Variants in MSH4 observed in about 807,000 individuals in gnomAD.
MSH4 encodes the protein mutS protein homolog 4.
In MSH4, 106 loss-of-function variants were observed where a neutral mutation model predicts 113.7. The observed-to-expected ratio is 0.93, with a 90% CI of 0.80 to 1.10. The LOEUF (loss-of-function observed/expected upper bound fraction) is 1.10. Among genes scored for constraint, MSH4 ranks in the 50% least tolerant of loss-of-function variants. The probability of loss-of-function intolerance (pLI) is 0.00; values close to 1 mark genes in which losing one functional copy is unlikely to be tolerated. For missense variants in MSH4, 1,061 were observed against 1,093.7 expected (o/e 0.97, Z 0.42); for synonymous variants, 368 against 380.2 (o/e 0.97, Z 0.37).
intron 13 of MSH4, 22 bp from the exon 14 acceptor site, chr1:75,881,224 G>A (rs201492365): frequency 4.9e-6 from 7 of 1,431,084 alleles, no homozygotes; most frequent in African/African-American, 2.2e-5. Flanking sequence ...ATTATTACAT[G>A]TCTTACCAAA....
intron 3 of MSH4, among the ~76,000 whole-genome samples, chr1:75,808,866 T>C (rs1650123770): frequency 6.6e-6 from 1 of 152,208 alleles, no homozygotes; most frequent in African/African-American, 2.4e-5. Flanking sequence ...TCATGGGAAT[T>C]TGCATGATCT....
intron 19 of MSH4, among the ~76,000 whole-genome samples, chr1:75,907,689 CATATAT>C (rs71071973): frequency 0.021 from 1,637 of 78,622 alleles, 105 homozygotes; most frequent in African/African-American, 0.092. Flanking sequence ...TCTCTCTATA[CATATAT>C]ATATATATAT....
At chr1:75,804,857 C>T (rs1460730391) in intron 2 of MSH4, among the ~76,000 whole-genome samples, 1 of 151,452 alleles carries the variant, frequency 6.6e-6, no homozygotes, top group African/African-American at 2.4e-5. Flanking sequence ...GAGATGGAGC[C>T]TTGCTCTGTC....
chr1:75,877,195 A>G (rs1570982656), intron 10 of MSH4, among the ~76,000 whole-genome samples, 195 bp downstream of exon 10: 2 of 152,250 alleles, frequency 1.3e-5, no homozygotes, highest in Admixed American at 1.3e-4. Context: ...CAACACATTG[A>G]TTATTTGTGT....
Position 75,867,461 on chromosome 1 carries a change from GT to G in MSH4, c.1231-51del, listed in dbSNP as rs961173895. On this transcript the variant is annotated intron_variant, in intron 8 of 19. Coordinates refer to ENST00000263187, the MANE Select transcript of MSH4 (RefSeq NM_002440.4). ...AGAATGTTCAAGAGGAAAACCCATTGTTCTATTAAATATTTATGGTGTCCAT... is the reference window on the plus strand; with the variant it reads ...AGAATGTTCAAGAGGAAAACCCATTGTCTATTAAATATTTATGGTGTCCAT... 10 of 955,354 alleles carry G rather than the reference GT, an allele frequency of 1.0e-5. No individual in the cohort carries two copies. The South Asian group carries it at 1.2e-4, about 12-fold the overall frequency. The allele number at this position is 955,354 out of a possible 1,614,324, so 59.2% of individuals were successfully genotyped here.
chr1:75,831,066 A>G lies in MSH4; in HGVS notation c.1162+8485A>G, dbSNP rs550342690. ...ACCCATCTCACTTGCAGAGACACACATAGGCTCACAATAAAGGGATGGAGG... is the reference window on the plus strand; with the variant it reads ...ACCCATCTCACTTGCAGAGACACACGTAGGCTCACAATAAAGGGATGGAGG... On this transcript the variant is annotated intron_variant, in intron 7 of 19. Transcript: ENST00000263187. Among the ~76,000 whole-genome samples the G allele has an allele frequency of 6.6e-5, 10 of 152,330 alleles. No homozygotes were observed. The South Asian group carries it at 2.1e-3, about 32-fold the overall frequency.
intron 15 of MSH4, among the ~76,000 whole-genome samples, chr1:75,885,842 T>G (rs1233637525): frequency 7.8e-6 from 1 of 128,624 alleles, no homozygotes; most frequent in Non-Finnish European, 1.6e-5. Flanking sequence ...GTATTATATA[T>G]TATATAGTAT....
At chr1:75,801,743 A>C (rs1253924245) in intron 1 of MSH4, among the ~76,000 whole-genome samples, 1 of 151,004 alleles carries the variant, frequency 6.6e-6, no homozygotes, top group Non-Finnish European at 1.5e-5. Context: ...GGTGAGGTGC[A>C]CCTATAGTCC....
chr1:75,874,295 A>G (rs1260010448), intron 9 of MSH4, among the ~76,000 whole-genome samples: 1 of 152,128 alleles, frequency 6.6e-6, no homozygotes. Flanking sequence ...CACTTTCTTG[A>G]ACAGCGTGCT....
intron 7 of MSH4, among the ~76,000 whole-genome samples, chr1:75,828,045 CAT>C (rs1454903248): frequency 6.6e-5 from 10 of 152,138 alleles, no homozygotes; most frequent in African/African-American, 2.4e-4. Context: ...GACCAATAAA[CAT>C]ATGAAAAAAT....
At chr1:75,859,686 T>G (rs1570972117) in intron 8 of MSH4, among the ~76,000 whole-genome samples, 1 of 152,172 alleles carries the variant, frequency 6.6e-6, no homozygotes, top group East Asian at 1.9e-4. Flanking sequence ...TCCAATTATG[T>G]GGTTGATTTT....
At chr1:75,815,630 G>C (rs962339450) in intron 5 of MSH4, among the ~76,000 whole-genome samples, 11 of 152,252 alleles carry the variant, frequency 7.2e-5, no homozygotes, top group Admixed American at 5.9e-4. Context: ...TACTTTCTTT[G>C]AGTCAGGTTG....
At chr1:75,831,343 G>A (rs1452491426) in intron 7 of MSH4, among the ~76,000 whole-genome samples, 3 of 152,064 alleles carry the variant, frequency 2.0e-5, no homozygotes, top group African/African-American at 7.2e-5. Flanking sequence ...AATAGTCGGA[G>A]ACTTTAATAC....
intron 7 of MSH4, among the ~76,000 whole-genome samples, chr1:75,836,302 C>CTTTTTTTTT (rs71071968): frequency 1.5e-5 from 2 of 135,960 alleles, no homozygotes; most frequent in Non-Finnish European, 3.1e-5. Context: ...CTTTCTTTTT[C>CTTTTTTTTT]TTTTTTTTTT....
intron 9 of MSH4, among the ~76,000 whole-genome samples, chr1:75,875,826 G>T (rs76416835): frequency 0.085 from 11,546 of 135,718 alleles, 719 homozygotes; most frequent in East Asian, 0.51. Context: ...AAGTACTTAT[G>T]GGTAAATAAG....
In MSH4 at chr1:75,875,799, G is replaced by GT. The variant is rs1163632134; in HGVS notation, c.1306-1127dup. Among the ~76,000 whole-genome samples the GT allele has an allele frequency of 5.8e-3, 867 of 148,326 alleles. 8 individuals carry two copies. Among genetic ancestry groups the GT allele is most frequent in the East Asian group, 0.045 (224 of 5,026 alleles). ...TTTCACTATATTAATGGTATGTCAG[G>GT]TTTTTTTTTTACTGTTAAGTACTTA... On this transcript the variant is annotated intron_variant, in intron 9 of 19. Transcript: ENST00000263187.
intron 8 of MSH4, among the ~76,000 whole-genome samples, chr1:75,853,784 C>A (rs936888030): frequency 6.6e-6 from 1 of 151,926 alleles, no homozygotes; most frequent in African/African-American, 2.4e-5. Flanking sequence ...TTTGGAAATG[C>A]ATCCACAATT....
At chr1:75,836,362 G>A (rs1277075139) in intron 7 of MSH4, among the ~76,000 whole-genome samples, 4 of 146,808 alleles carry the variant, frequency 2.7e-5, no homozygotes, top group Non-Finnish European at 5.9e-5. Context: ...GTGGTGGTGC[G>A]ATTTCAGCTC....
At chr1:75,836,677 T>G (rs1461829063) in intron 7 of MSH4, among the ~76,000 whole-genome samples, 1 of 152,354 alleles carries the variant, frequency 6.6e-6, no homozygotes, top group African/African-American at 2.4e-5. Context: ...TATTTGATAC[T>G]GCTGAATATC....
Sources: gnomAD v4.1 joint callset for allele counts (sites outside exome capture counted in the v4.1 genomes callset) on GRCh38, gnomAD v4.1.1 for gene constraint, MANE v1.5 for transcripts, NCBI Gene and HGNC (gene_info 2026-07-23, HGNC 2026-07-21) for gene names.